INTS11: variants seen among roughly 807,000 people sequenced by gnomAD.
The protein encoded by INTS11 is integrator complex subunit 11.
In INTS11, 77 loss-of-function variants were observed where a neutral mutation model predicts 78.6. That is an observed-to-expected ratio of 0.98 (90% CI 0.81 to 1.18). The LOEUF is 1.18. Among genes scored for constraint, INTS11 ranks in the 50% most tolerant of loss-of-function variants. The pLI is 0.00. For missense variants in INTS11, 875 were observed against 825.9 expected, an observed-to-expected ratio of 1.06 and a Z score of -0.73; for synonymous variants, 441 against 326.9, an observed-to-expected ratio of 1.35 and a Z score of -3.77.
At position 1,311,638 on chromosome 1, in the gene INTS11, C is replaced by T. The variant is rs556619320; in HGVS notation, c.*221G>A. ...TTTTACTGGAAACTGCTGTCTAGGA[C>T]CACCTGCCCTAACCAGGAATAAAGG... is the stretch of plus-strand genomic sequence containing the variant. On this transcript the variant is annotated 3_prime_UTR_variant, in exon 17 of 17. Transcript: ENST00000435064. 20 of 709,826 alleles carry T rather than the reference C, an allele frequency of 2.8e-5. No homozygotes were observed. The highest frequency in any genetic ancestry group is 2.3e-4 in the African/African-American group (13 of 57,364). 44.0% of individuals were successfully genotyped at this position (709,826 alleles called of 1,614,324 possible).
chr1:1,323,265 CCAGGACAGCA>C, intron 1 of INTS11: 2 of 1,550,366 alleles, frequency 1.3e-6, no homozygotes, highest in Non-Finnish European at 1.7e-6. Flanking sequence ...GGACCAGGTT[CCAGGACAGCA>C]CAGGGCAGGC....
intron 6 of INTS11, 26 bp downstream of exon 6, chr1:1,315,378 A>G (rs1219456543): frequency 1.2e-6 from 2 of 1,613,200 alleles, no homozygotes; most frequent in Non-Finnish European, 1.7e-6. Flanking sequence ...GGCCCACGGG[A>G]CAAAAAGACA....
chr1:1,313,407 C>A, intron 10 of INTS11, 102 bp downstream of exon 10: 2 of 1,357,574 alleles, frequency 1.5e-6, no homozygotes, highest in Non-Finnish European at 2.1e-6. Context: ...CGTCCCTTGG[C>A]CAGCACGAGG....
At position 1,314,439 on chromosome 1, in the gene INTS11, G is replaced by T. The variant is rs147041426; in HGVS notation, c.703-74C>A. 7.3e-7 allele frequency: 1 copy of T among 1,365,956 alleles called. No homozygotes were observed. The highest frequency in any genetic ancestry group is 1.0e-6 in the Non-Finnish European group (1 of 992,146). 84.6% of individuals were successfully genotyped at this position (1,365,956 alleles called of 1,614,324 possible). A position where few individuals can be genotyped will look rare whatever the true frequency, so the allele number is the denominator to read the frequency against. ...AGCAGGCAGCGTCCAGTGAGGGCAC[G>T]GCCAGGTGCCCAAGAGCTGCGGCCT... On this transcript the variant is annotated intron_variant, in intron 7 of 16. Coordinates refer to ENST00000435064, the MANE Select transcript of INTS11 (RefSeq NM_017871.6). This position sits in a 1 kb window ranked among gnomAD's most constrained non-coding sequence, Gnocchi z 4.2.
At position 1,319,298 on chromosome 1, in the gene INTS11, G is replaced by A. The variant is rs200207309; in HGVS notation, c.427C>T (p.Gln143Ter). 3.2e-5 allele frequency: 51 copies of A among 1,611,778 alleles called. No homozygotes were observed. Among genetic ancestry groups the A allele is most frequent in the Non-Finnish European group, 4.1e-5 (48 of 1,178,690 alleles). ...AGCTGTGGCCCTGGGAACCTGACCTGGACCGTCTGGTGGAGGTGGACAGCC... is the reference window on the plus strand; with the variant it reads ...AGCTGTGGCCCTGGGAACCTGACCTAGACCGTCTGGTGGAGGTGGACAGCC... ...VVAVHLHQTV[Q>*]VDDELEIKAY... Residue 143 changes from glutamine (Q) to a stop codon, truncating the protein, a stop_gained and splice_region_variant, in exon 4 of 17, where the codon CAG becomes TAG. Coordinates refer to ENST00000435064, the MANE Select transcript of INTS11 (RefSeq NM_017871.6). LOFTEE classifies it high-confidence loss of function.
In INTS11 at chr1:1,319,493, G is replaced by A. The variant is rs1356805373; in HGVS notation, c.232C>T (p.Pro78Ser). The change falls in exon 4 of 17, where the codon CCC becomes TCC. Residue 78 changes from proline (P) to serine (S), a missense_variant. Physicochemically the swap from Pro to Ser is moderately conservative, Grantham distance 74. Transcript: ENST00000435064. Reference sequence around the variant, plus strand: ...TAGCCCACCATCTCGCTGAAGTAGGGGAGTGCCCCGCAGTGGTCCAGGTGG... The same window carrying A: ...TAGCCCACCATCTCGCTGAAGTAGGAGAGTGCCCCGCAGTGGTCCAGGTGG... ...HFHLDHCGAL[P>S]YFSEMVGYDG... 1 of 1,598,584 alleles carries A rather than the reference G, an allele frequency of 6.3e-7. No individual in the cohort carries two copies. The highest frequency in any genetic ancestry group is 8.5e-7 in the Non-Finnish European group (1 of 1,172,004).
chr1:1,318,582 C>A, intron 4 of INTS11: 1 of 295,978 alleles, frequency 3.4e-6, no homozygotes, highest in East Asian at 6.1e-5. Context: ...CACCTCAACC[C>A]GGGAGGCCGA....
In INTS11 at chr1:1,312,450, A is replaced by G. The variant is rs77850311; in HGVS notation, c.1454T>C (p.Met485Thr). 8 of 1,571,234 alleles carry G rather than the reference A, an allele frequency of 5.1e-6. No individual in the cohort carries two copies. Among genetic ancestry groups the G allele is most frequent in the Middle Eastern group, 1.7e-4 (1 of 5,878 alleles). ...KPRLLHGTLI[M>T]KDSNFRLVSS... ...CGTCCTGGCACTCACGCTGTCCTTC[A>G]TGATCAGGGTGCCGTGCAGGAGCCG... is the stretch of plus-strand genomic sequence containing the variant. The change falls in exon 14 of 17, where the codon ATG (methionine) becomes ACG (threonine). Residue 485 changes from methionine (M) to threonine (T), a missense_variant. Transcript: ENST00000435064.
intron 6 of INTS11, 56 bp from the exon 7 acceptor site, chr1:1,315,018 G>C (rs1410429996): frequency 6.3e-7 from 1 of 1,589,522 alleles, no homozygotes; most frequent in Non-Finnish European, 8.6e-7. Context: ...CGGTTGCAGG[G>C]CTGGGTGTGA....
Position 1,321,070 on chromosome 1 carries a change from T to C in INTS11, c.52A>G (p.Ser18Gly). 3 of 1,612,390 alleles carry C rather than the reference T, an allele frequency of 1.9e-6. No individual in the cohort carries two copies. Among genetic ancestry groups the C allele is most frequent in the Non-Finnish European group, 2.5e-6 (3 of 1,179,482 alleles). ...PLGAGQDVGR[S>G]CILVSIAGKN... ...CCCGCAATGGAGACCAGGATGCAGC[T>C]TCGGCCCACGTCCTGGCCGGCCCCT... The change falls in exon 2 of 17, where the codon AGC becomes GGC. Residue 18 changes from serine (S) to glycine (G), a missense_variant. By Grantham distance (56) the Ser-to-Gly change is moderately conservative. Transcript: ENST00000435064.
In INTS11 at chr1:1,320,547, G is replaced by T; in HGVS notation, c.127-18C>A. ...AAGCGTCGCTAGGAAGGATGTGGGG[G>T]TTTCAGGTTGCACAGTGGTCTCCAG... is the stretch of plus-strand genomic sequence containing the variant. On this transcript the variant is annotated intron_variant, in intron 2 of 16. Coordinates refer to ENST00000435064, the MANE Select transcript of INTS11 (RefSeq NM_017871.6). 6.2e-7 allele frequency: 1 copy of T among 1,613,402 alleles called. No individual in the cohort carries two copies. The highest frequency in any genetic ancestry group is 8.5e-7 in the Non-Finnish European group (1 of 1,179,612).
intron 1 of INTS11, chr1:1,321,888 TC>T: frequency 7.6e-7 from 1 of 1,318,208 alleles, no homozygotes; most frequent in Non-Finnish European, 9.8e-7. Context: ...TGAACAGTTT[TC>T]CCCTTGAATC....
In INTS11 at chr1:1,313,727, C is replaced by T. The variant is rs1642396469; in HGVS notation, c.957+5G>A. 1 of 1,611,098 alleles carries T rather than the reference C, an allele frequency of 6.2e-7. No individual in the cohort carries two copies. Among genetic ancestry groups the T allele is most frequent in the South Asian group, 1.1e-5 (1 of 91,080 alleles). ...TGTGCTGGCCGGCCCTGCCGCGGGC[C>T]TCACCATCGGTCCTGGGTTGTCAGC... On this transcript the variant is annotated splice_donor_5th_base_variant and intron_variant, in intron 9 of 16. Transcript: ENST00000435064.
intron 4 of INTS11, 109 bp downstream of exon 4, chr1:1,319,187 G>A (rs748997404): frequency 2.0e-6 from 2 of 983,504 alleles, no homozygotes; most frequent in South Asian, 1.3e-5. Context: ...AGGTGGGGTG[G>A]GCTCACCCTG....
At position 1,314,072 on chromosome 1, in the gene INTS11, G is replaced by C. The variant is rs1642421620; in HGVS notation, c.768-151C>G. On this transcript the variant is annotated intron_variant, in intron 8 of 16. Coordinates refer to ENST00000435064, the MANE Select transcript of INTS11 (RefSeq NM_017871.6). The surrounding 1 kb of genome is among the most constrained non-coding windows in gnomAD (Gnocchi z 4.2). ...GCGACCACTTGTCCCATTAAGCCCT[G>C]CAGCAGCCGGGCTCAGCGGAGAACC... 7 of 836,680 alleles carry C rather than the reference G, an allele frequency of 8.4e-6. No homozygotes were observed. In the South Asian group the frequency reaches 1.2e-4, roughly 14 times the overall value. The allele number at this position is 836,680 out of a possible 1,614,324, so 51.8% of individuals were successfully genotyped here.
At chr1:1,318,328 A>C (rs1642737255) in intron 4 of INTS11, among the ~76,000 whole-genome samples, 1 of 152,320 alleles carries the variant, frequency 6.6e-6, no homozygotes, top group South Asian at 2.1e-4. Context: ...TGGTGTTACC[A>C]GGCATTAGAA....
intron 4 of INTS11, 61 bp from the exon 5 acceptor site, chr1:1,315,679 G>A (rs1642538798): frequency 4.0e-6 from 4 of 992,300 alleles, no homozygotes; most frequent in Non-Finnish European, 4.5e-6. Flanking sequence ...GGGAGTGAGG[G>A]AGGCGGGGGA....
At chr1:1,322,498 C>CA (rs1288022029) in intron 1 of INTS11, among the ~76,000 whole-genome samples, 1 of 126,712 alleles carries the variant, frequency 7.9e-6, no homozygotes, top group African/African-American at 3.1e-5. Context: ...CTTCCAGAAC[C>CA]ATGACAGGAG....
At position 1,312,394 on chromosome 1, in the gene INTS11, G is replaced by A. The variant is rs370844532; in HGVS notation, c.1465-26C>T. ...CTGTGGGGCAGGGACAGGTCAGTGAGCGCAGCAGCGGCCCTCCCCCCTCCA... is the reference window on the plus strand; with the variant it reads ...CTGTGGGGCAGGGACAGGTCAGTGAACGCAGCAGCGGCCCTCCCCCCTCCA... On this transcript the variant is annotated intron_variant, in intron 14 of 16. Coordinates refer to ENST00000435064, the MANE Select transcript of INTS11 (RefSeq NM_017871.6). 771 of 1,565,344 alleles carry A rather than the reference G, an allele frequency of 4.9e-4. 1 individual carries two copies. Among genetic ancestry groups the A allele is most frequent in the Middle Eastern group, 8.4e-4 (5 of 5,932 alleles).
Sources: allele counts gnomAD v4.1 joint callset (sites outside exome capture counted in the v4.1 genomes callset), GRCh38; gene constraint gnomAD v4.1.1; non-coding constraint Gnocchi (gnomAD v3.1); transcripts MANE v1.5; gene names NCBI Gene and HGNC (gene_info 2026-07-23, HGNC 2026-07-21).